TAB3: variants seen among roughly 807,000 people sequenced by gnomAD.
TAB3 encodes the protein TGF-beta-activated kinase 1 and MAP3K7-binding protein 3.
In TAB3, 18 loss-of-function variants were observed where a neutral mutation model predicts 48.1. The ratio of observed to expected loss-of-function variants is 0.37; its 90% CI spans 0.26 to 0.55. TAB3 has a LOEUF of 0.55. TAB3 is among the 20% of genes least tolerant of loss of function. The pLI, the probability that TAB3 is intolerant of heterozygous loss-of-function variation, is 0.78. For missense variants in TAB3, 414 were observed against 549.8 expected, an observed-to-expected ratio of 0.75 and a Z score of 2.47; for synonymous variants, 185 against 190.2, an observed-to-expected ratio of 0.97 and a Z score of 0.22.
rs140250377 is a variant in TAB3, at chrX:30,860,132, G to A, written c.-90-454C>T. 7.1e-3 allele frequency among the ~76,000 whole-genome samples: 791 copies of A among 111,551 alleles called. 5 individuals are homozygous for A. Among genetic ancestry groups the A allele is most frequent in the Non-Finnish European group, 0.012 (626 of 53,047 alleles). ...ATGAGTTATAAACCTGTAGAAAAGA[G>A]GGAGCCGTGTGTCCGTATCAATGAA... is the stretch of plus-strand genomic sequence containing the variant. On this transcript the variant is annotated intron_variant, in intron 4 of 10. Coordinates refer to ENST00000288422, the MANE Select transcript of TAB3 (RefSeq NM_152787.5).
At chrX:30,884,528 G>C (rs1940077774) in intron 1 of TAB3, among the ~76,000 whole-genome samples, 1 of 109,185 alleles carries the variant, frequency 9.2e-6, no homozygotes, top group South Asian at 4.1e-4. Context: ...TAAATAACTT[G>C]GTAAACTCTT....
At position 30,854,680 on chromosome X, in the gene TAB3, GAGT is replaced by G; in HGVS notation, c.982_984del (p.Thr328del). On this transcript the variant is annotated inframe_deletion, in exon 6 of 11. Coordinates refer to ENST00000288422, the MANE Select transcript of TAB3 (RefSeq NM_152787.5). Reference sequence around the variant, plus strand: ...GGTCCTTGTTGATATGGATGGGGTGGAGTAGTTGAAGGACTAGGTGGCATAAAG... The same window carrying G: ...GGTCCTTGTTGATATGGATGGGGTGGAGTTGAAGGACTAGGTGGCATAAAG... 3 of 1,211,581 alleles carry G rather than the reference GAGT, an allele frequency of 2.5e-6. No homozygotes were observed. In the African/African-American group the frequency reaches 5.2e-5, roughly 21 times the overall value.
chrX:30,853,063 C>A, intron 6 of TAB3, 125 bp from the exon 7 acceptor site: 1 of 660,151 alleles, frequency 1.5e-6, no homozygotes, highest in Non-Finnish European at 2.3e-6. Context: ...ACTCTCATGT[C>A]TTTCTAATGC....
intron 9 of TAB3, chrX:30,835,228 A>G (rs1938158025): frequency 8.1e-6 from 1 of 123,461 alleles, no homozygotes; most frequent in Non-Finnish European, 1.9e-5. Context: ...TTTTCTAATG[A>G]ATTCTGAGCC....
chrX:30,870,494 T>G (rs766165523), intron 2 of TAB3, among the ~76,000 whole-genome samples: 1 of 112,001 alleles, frequency 8.9e-6, no homozygotes, highest in African/African-American at 3.2e-5. Context: ...TAGAGTGGGG[T>G]TGAGTTCTAT....
intron 1 of TAB3, among the ~76,000 whole-genome samples, chrX:30,884,215 G>A (rs955976640): frequency 3.6e-5 from 4 of 111,784 alleles, no homozygotes; most frequent in Middle Eastern, 9.2e-3. Flanking sequence ...AACAGAAGGC[G>A]TATCATCTTC....
intron 1 of TAB3, among the ~76,000 whole-genome samples, chrX:30,879,488 G>C (rs1939936366): frequency 8.9e-6 from 1 of 111,991 alleles, no homozygotes; most frequent in South Asian, 3.6e-4. Context: ...AATATAATTT[G>C]ACTTGAGGAA....
Position 30,827,769 on chromosome X carries a change from A to G in TAB3, c.*3658T>C, listed in dbSNP as rs1197351065. On this transcript the variant is annotated 3_prime_UTR_variant, in exon 11 of 11. Coordinates refer to ENST00000288422, the MANE Select transcript of TAB3 (RefSeq NM_152787.5). ...AGAATTAAAATTGAGTCATCATTCT[A>G]TTAATCTCTGAATGCCCAAGCCATG... 3.6e-5 allele frequency: 4 copies of G among 112,489 alleles called. No individual in the cohort carries two copies. The East Asian group carries it at 1.1e-3, about 31-fold the overall frequency. The allele number at this position is 112,489 out of a possible 1,213,427, so 9.3% of individuals were successfully genotyped here. A position where few individuals can be genotyped will look rare whatever the true frequency, so the allele number is the denominator to read the frequency against.
At chrX:30,833,233 T>C (rs1938082163) in intron 10 of TAB3, among the ~76,000 whole-genome samples, 1 of 108,927 alleles carries the variant, frequency 9.2e-6, no homozygotes, top group African/African-American at 3.3e-5. Context: ...CCTCCCAAAG[T>C]GCTGGGATTA....
intron 10 of TAB3, among the ~76,000 whole-genome samples, chrX:30,833,411 T>C (rs1377372498): frequency 8.9e-6 from 1 of 112,087 alleles, no homozygotes; most frequent in African/African-American, 3.2e-5. Flanking sequence ...TCAATGTTGC[T>C]ATAAGTGTAA....
At chrX:30,849,198 T>C (rs1192672676) in intron 7 of TAB3, among the ~76,000 whole-genome samples, 1 of 112,468 alleles carries the variant, frequency 8.9e-6, no homozygotes, top group Non-Finnish European at 1.9e-5. Flanking sequence ...TCATTTCACA[T>C]ACAGATCTAA....
intron 10 of TAB3, among the ~76,000 whole-genome samples, chrX:30,831,849 G>A (rs751459870): frequency 5.4e-5 from 6 of 111,833 alleles, no homozygotes; most frequent in South Asian, 7.4e-4. Context: ...TGTAAATAGC[G>A]GAGAGTTATG....
At chrX:30,866,690 A>C (rs1470697489) in intron 4 of TAB3, among the ~76,000 whole-genome samples, 5 of 109,237 alleles carry the variant, frequency 4.6e-5, no homozygotes, top group Non-Finnish European at 7.6e-5. Context: ...AGATAAAGAA[A>C]TGACTGAATA....
At chrX:30,841,549 A>C (rs191957316) in intron 9 of TAB3, among the ~76,000 whole-genome samples, 2 of 111,708 alleles carry the variant, frequency 1.8e-5, no homozygotes, top group East Asian at 5.6e-4. Flanking sequence ...CTCTGTAATG[A>C]GCTTAATATA....
chrX:30,875,869 G>A, intron 1 of TAB3, among the ~76,000 whole-genome samples: 1 of 112,152 alleles, frequency 8.9e-6, no homozygotes, highest in Non-Finnish European at 1.9e-5. Flanking sequence ...CAGAACTAGG[G>A]CTGAGTCTGA....
chrX:30,855,490 G>A lies in TAB3; in HGVS notation c.175C>T (p.His59Tyr), dbSNP rs1465034300. 1 of 1,207,534 alleles carries A rather than the reference G, an allele frequency of 8.3e-7. No homozygotes were observed. The highest frequency in any genetic ancestry group is 2.2e-5 in the Admixed American group (1 of 45,626). ...TTCATCCTATTGTCATCTGGACTAT[G>A]GTATTCCATATATAAGTATTTGCTA... ...ESSKYLYMEY[H>Y]SPDDNRMNRN... The change falls in exon 6 of 11, where the codon CAT becomes TAT. Residue 59 changes from histidine (H) to tyrosine (Y), a missense_variant. His to Tyr is a moderately conservative substitution (Grantham distance 83). Coordinates refer to ENST00000288422, the MANE Select transcript of TAB3 (RefSeq NM_152787.5).
chrX:30,831,171 C>G lies in TAB3; in HGVS notation c.*256G>C. On this transcript the variant is annotated 3_prime_UTR_variant, in exon 11 of 11. Coordinates refer to ENST00000288422, the MANE Select transcript of TAB3 (RefSeq NM_152787.5). ...AGCTCTTGACTTCTGTGTGTACATT[C>G]TTTCACAGAGTGAATCCTTTCCCAG... The G allele has an allele frequency of 3.4e-6, 1 of 298,149 alleles. No homozygotes were observed. Among genetic ancestry groups the G allele is most frequent in the East Asian group, 5.0e-5 (1 of 20,085 alleles). The allele number at this position is 298,149 out of a possible 1,213,427, so 24.6% of individuals were successfully genotyped here. A position where few individuals can be genotyped will look rare whatever the true frequency, so the allele number is the denominator to read the frequency against.
chrX:30,840,336 A>G (rs1011449106), intron 9 of TAB3, among the ~76,000 whole-genome samples: 4 of 111,650 alleles, frequency 3.6e-5, no homozygotes, highest in African/African-American at 1.3e-4. Flanking sequence ...TTACATGAGC[A>G]TTTAAAGCTA....
chrX:30,883,855 G>A (rs1172780832), intron 1 of TAB3, among the ~76,000 whole-genome samples: 1 of 111,046 alleles, frequency 9.0e-6, no homozygotes, highest in Non-Finnish European at 1.9e-5. Context: ...GGAAAATGGT[G>A]CTGCTTAAAA....
Sources: allele counts gnomAD v4.1 joint callset (sites outside exome capture counted in the v4.1 genomes callset), GRCh38; gene constraint gnomAD v4.1.1; transcripts MANE v1.5; gene names NCBI Gene and HGNC (gene_info 2026-07-23, HGNC 2026-07-21).